The following PEPD variants were observed in gnomAD, a reference collection of about 807,000 sequenced individuals.
PEPD encodes xaa-Pro dipeptidase.
In PEPD, 53 loss-of-function variants were observed where a neutral mutation model predicts 60.7. That is an observed-to-expected ratio of 0.87 (90% CI 0.70 to 1.10). The LOEUF is 1.10. PEPD is among the 50% of genes least tolerant of loss of function. PEPD has a pLI of 0.00. For synonymous variants in PEPD, 267 were observed against 284.1 expected (o/e 0.94, Z 0.60); for missense variants, 711 against 711.9 (o/e 1.00, Z 0.01).
chr19:33,404,995 A>G (rs889850625), intron 11 of PEPD, among the ~76,000 whole-genome samples: 12 of 152,234 alleles, frequency 7.9e-5, no homozygotes, highest in African/African-American at 2.2e-4. Flanking sequence ...CGTTGGCTCA[A>G]TCGAGAACAG....
At chr19:33,478,263 C>A (rs1364412352) in intron 6 of PEPD, among the ~76,000 whole-genome samples, 173 bp from the exon 7 acceptor site, 1 of 152,190 alleles carries the variant, frequency 6.6e-6, no homozygotes, top group Non-Finnish European at 1.5e-5. Flanking sequence ...GCAGACCTGG[C>A]AGCCTGGGCC....
intron 11 of PEPD, among the ~76,000 whole-genome samples, chr19:33,405,962 G>C (rs578070826): frequency 6.6e-5 from 10 of 152,244 alleles, no homozygotes; most frequent in Non-Finnish European, 1.3e-4. Context: ...GGCCTCCTGG[G>C]TGTCTGGAGG....
chr19:33,502,170 C>T (rs1450671168), intron 3 of PEPD, among the ~76,000 whole-genome samples: 3 of 152,166 alleles, frequency 2.0e-5, no homozygotes, highest in Non-Finnish European at 4.4e-5. Flanking sequence ...ACACTGAGAG[C>T]CAAGTCCAAT....
rs551662143 is a variant in PEPD at position 33,421,043 on chromosome 19, C to T, written c.672-7400G>A. Among the ~76,000 whole-genome samples the T allele has an allele frequency of 1.1e-4, 16 of 152,348 alleles. No homozygotes were observed. The South Asian group carries it at 3.3e-3, about 32-fold the overall frequency. ...GGCAGCAGTCCCTGGTTGGTTCTCA[C>T]TGCTGGCCGGTGTTCTACTGCGGGG... On this transcript the variant is annotated intron_variant, in intron 9 of 14. Transcript: ENST00000244137.
Position 33,464,295 on chromosome 19 carries a change from G to A in PEPD, c.549-233C>T, listed in dbSNP as rs570314418. Among the ~76,000 whole-genome samples the A allele has an allele frequency of 4.6e-5, 7 of 152,316 alleles. No individual in the cohort carries two copies. In the South Asian group the frequency reaches 1.2e-3, roughly 27 times the overall value. ...CCCACCTTCCCTAACACCAGCCAGC[G>A]GGCAGACTGTTTCCAGGGATAAGAT... is the stretch of plus-strand genomic sequence containing the variant. On this transcript the variant is annotated intron_variant, in intron 7 of 14. Coordinates refer to ENST00000244137, the MANE Select transcript of PEPD (RefSeq NM_000285.4).
At chr19:33,503,228 C>T (rs1271239020) in intron 3 of PEPD, among the ~76,000 whole-genome samples, 2 of 152,180 alleles carry the variant, frequency 1.3e-5, no homozygotes, top group African/African-American at 2.4e-5. Context: ...CAGGGAGCAA[C>T]AACAAGGAGC....
At chr19:33,469,920 C>T (rs544826035) in intron 7 of PEPD, among the ~76,000 whole-genome samples, 27 of 151,858 alleles carry the variant, frequency 1.8e-4, no homozygotes, top group Non-Finnish European at 3.1e-4. Context: ...TCGCAGAAGG[C>T]GTGGTTCCCT....
chr19:33,425,177 A>C (rs931031929), intron 9 of PEPD, among the ~76,000 whole-genome samples: 2 of 152,196 alleles, frequency 1.3e-5, no homozygotes, highest in Admixed American at 6.5e-5. Context: ...CAAGGCCAGC[A>C]TGACCAACAT....
chr19:33,412,301 C>T (rs1011407919), intron 10 of PEPD, among the ~76,000 whole-genome samples: 6 of 152,188 alleles, frequency 3.9e-5, no homozygotes, highest in African/African-American at 1.4e-4. Context: ...GAGCTATGAT[C>T]ATGCCACCGC....
At chr19:33,455,875 G>A (rs1028151390) in intron 9 of PEPD, among the ~76,000 whole-genome samples, 7 of 152,030 alleles carry the variant, frequency 4.6e-5, no homozygotes, top group African/African-American at 1.4e-4. Context: ...TGTCCACAGG[G>A]AGCACAGTTC....
At chr19:33,469,195 T>C (rs1031252965) in intron 7 of PEPD, among the ~76,000 whole-genome samples, 2 of 152,078 alleles carry the variant, frequency 1.3e-5, no homozygotes, top group Non-Finnish European at 2.9e-5. Context: ...CCCTGGCCCT[T>C]CTCTATGGCC....
intron 2 of PEPD, 118 bp downstream of exon 2, chr19:33,512,475 C>T: frequency 1.0e-6 from 1 of 962,102 alleles, no homozygotes; most frequent in Admixed American, 1.8e-5. Flanking sequence ...GGCGAGGAAA[C>T]AGAGGCTCAG....
intron 14 of PEPD, 200 bp from the exon 15 acceptor site, chr19:33,387,681 C>G: frequency 2.5e-6 from 2 of 794,042 alleles, no homozygotes; most frequent in Non-Finnish European, 2.1e-6. Context: ...GGATGGGAGC[C>G]CCTGGAGCGG....
At chr19:33,422,013 T>C (rs1331057217) in intron 9 of PEPD, among the ~76,000 whole-genome samples, 1 of 151,998 alleles carries the variant, frequency 6.6e-6, no homozygotes, top group Admixed American at 6.6e-5. Context: ...ACAACTTAAG[T>C]AGAATCACAG....
chr19:33,436,651 C>T (rs1969383443), intron 9 of PEPD, among the ~76,000 whole-genome samples: 1 of 152,272 alleles, frequency 6.6e-6, no homozygotes, highest in African/African-American at 2.4e-5. Context: ...CCTCCTCCAT[C>T]TTCCCACACT....
At chr19:33,497,925 G>A (rs1970636734) in intron 4 of PEPD, among the ~76,000 whole-genome samples, 1 of 152,156 alleles carries the variant, frequency 6.6e-6, no homozygotes, top group Admixed American at 6.5e-5. Flanking sequence ...CTGGAGGGGA[G>A]GCCCCTGGCG....
At chr19:33,418,577 C>A (rs956710997) in intron 9 of PEPD, among the ~76,000 whole-genome samples, 1 of 152,220 alleles carries the variant, frequency 6.6e-6, no homozygotes. Flanking sequence ...AAGGCACAGG[C>A]GAAGGCGCCC....
intron 3 of PEPD, among the ~76,000 whole-genome samples, chr19:33,507,132 C>T (rs1316151112): frequency 6.6e-6 from 1 of 152,170 alleles, no homozygotes; most frequent in Admixed American, 6.5e-5. Flanking sequence ...GTGGGTATGG[C>T]CCTGGGAAGG....
chr19:33,400,420 A>G (rs1382292203), intron 12 of PEPD, among the ~76,000 whole-genome samples: 4 of 152,262 alleles, frequency 2.6e-5, no homozygotes, highest in East Asian at 1.9e-4. Context: ...GGCAGCCCCA[A>G]ATGACCGAAT....
Sources: allele counts gnomAD v4.1 joint callset (sites outside exome capture counted in the v4.1 genomes callset), GRCh38; gene constraint gnomAD v4.1.1; transcripts MANE v1.5; gene names NCBI Gene and HGNC (gene_info 2026-07-23, HGNC 2026-07-21).